The following PITPNC1 variants were observed in gnomAD, a reference collection of about 807,000 sequenced individuals.
The protein encoded by PITPNC1 is cytoplasmic phosphatidylinositol transfer protein 1.
In PITPNC1, 18 loss-of-function variants were observed where a neutral mutation model predicts 44.7. The ratio of observed to expected loss-of-function variants is 0.40; its 90% CI spans 0.28 to 0.60. PITPNC1 has a LOEUF of 0.60. Ranked by LOEUF, PITPNC1 falls within the 20% of genes least tolerant of loss-of-function variation. The pLI is 0.39. For synonymous variants in PITPNC1, 141 were observed against 149.6 expected, an observed-to-expected ratio of 0.94 and a Z score of 0.42; for missense variants, 290 against 418.4, an observed-to-expected ratio of 0.69 and a Z score of 2.68.
chr17:67,665,990 A>G (rs990903108), intron 6 of PITPNC1, among the ~76,000 whole-genome samples: 1 of 151,870 alleles, frequency 6.6e-6, no homozygotes, highest in Non-Finnish European at 1.5e-5. Context: ...ACAGGCATGC[A>G]TCACCATGCC....
chr17:67,509,367 A>G (rs2040149529), intron 1 of PITPNC1, among the ~76,000 whole-genome samples: 1 of 150,298 alleles, frequency 6.7e-6, no homozygotes, highest in African/African-American at 2.5e-5. Context: ...CCCCATCTCT[A>G]CTAAAAATAA....
intron 1 of PITPNC1, among the ~76,000 whole-genome samples, chr17:67,452,357 T>A (rs2039192615): frequency 6.6e-6 from 1 of 151,812 alleles, no homozygotes. Flanking sequence ...ATTATAGGGA[T>A]GTACCACATT....
Position 67,411,801 on chromosome 17 carries a change from T to C in PITPNC1, c.48+33599T>C, listed in dbSNP as rs192160347. Among the ~76,000 whole-genome samples the C allele has an allele frequency of 1.6e-3, 249 of 152,020 alleles. 1 individual carries two copies. Among genetic ancestry groups the C allele is most frequent in the Admixed American group, 2.0e-3 (30 of 15,268 alleles). ...GTACTTAATAAGGGCTAAGCACTTA[T>C]GTATATTAATTTGTTTAATCTACAC... On this transcript the variant is annotated intron_variant, in intron 1 of 8. Coordinates refer to ENST00000581322, the MANE Select transcript of PITPNC1 (RefSeq NM_012417.4).
At chr17:67,546,057 G>A (rs2040676161) in intron 2 of PITPNC1, among the ~76,000 whole-genome samples, 1 of 151,758 alleles carries the variant, frequency 6.6e-6, no homozygotes, top group Admixed American at 6.6e-5. Flanking sequence ...ACCGGGAGTG[G>A]TGTCCCGCGC....
chr17:67,690,458 A>AG (rs1555584874), intron 8 of PITPNC1, among the ~76,000 whole-genome samples: 6 of 151,940 alleles, frequency 3.9e-5, no homozygotes, highest in Admixed American at 3.9e-4. Flanking sequence ...CAAAAAAAAA[A>AG]AAAAAGAAAA....
intron 5 of PITPNC1, among the ~76,000 whole-genome samples, chr17:67,629,496 A>G (rs1462659441): frequency 6.6e-6 from 1 of 152,110 alleles, no homozygotes; most frequent in Non-Finnish European, 1.5e-5. Flanking sequence ...TCCCAGCCTC[A>G]AGTAATCCAC....
intron 1 of PITPNC1, among the ~76,000 whole-genome samples, chr17:67,476,575 T>C (rs2039633538): frequency 6.6e-6 from 1 of 152,146 alleles, no homozygotes; most frequent in Non-Finnish European, 1.5e-5. Flanking sequence ...TGGATGCATA[T>C]AAGAATCACC....
chr17:67,545,445 G>C (rs1409038475), intron 2 of PITPNC1, among the ~76,000 whole-genome samples: 1 of 151,874 alleles, frequency 6.6e-6, no homozygotes, highest in Non-Finnish European at 1.5e-5. Flanking sequence ...AGGTGTGGTG[G>C]CATGCCTGTA....
intron 1 of PITPNC1, among the ~76,000 whole-genome samples, chr17:67,473,049 T>G (rs1217487407): frequency 6.6e-6 from 1 of 151,720 alleles, no homozygotes. Context: ...CTAATTTTTT[T>G]GTATTTTTAG....
chr17:67,681,753 G>T (rs2042712954), intron 8 of PITPNC1, among the ~76,000 whole-genome samples: 1 of 151,766 alleles, frequency 6.6e-6, no homozygotes, highest in Non-Finnish European at 1.5e-5. Context: ...CAAGAAAATA[G>T]GACATTTGCC....
intron 1 of PITPNC1, among the ~76,000 whole-genome samples, chr17:67,493,679 T>C (rs1396172459): frequency 1.3e-5 from 2 of 152,160 alleles, no homozygotes; most frequent in Non-Finnish European, 2.9e-5. Context: ...ACCTTGGAAA[T>C]ACTGGAAAGG....
At chr17:67,425,178 CCATGTT>C (rs1271645853) in intron 1 of PITPNC1, among the ~76,000 whole-genome samples, 1 of 139,126 alleles carries the variant, frequency 7.2e-6, no homozygotes, top group Admixed American at 7.6e-5. Flanking sequence ...AAATAAACAG[CCATGTT>C]GTGCGCGCGC....
At chr17:67,420,275 A>C (rs1192149635) in intron 1 of PITPNC1, among the ~76,000 whole-genome samples, 1 of 152,112 alleles carries the variant, frequency 6.6e-6, no homozygotes, top group Non-Finnish European at 1.5e-5. Context: ...CACTGGAATA[A>C]AGAATCTCAA....
rs905108062 is a variant in PITPNC1 at position 67,508,045 on chromosome 17, T to C, written c.49-24757T>C. On this transcript the variant is annotated intron_variant, in intron 1 of 8. Coordinates refer to ENST00000581322, the MANE Select transcript of PITPNC1 (RefSeq NM_012417.4). This position sits in a 1 kb window ranked among gnomAD's most constrained non-coding sequence, Gnocchi z 4.2. ...ACAGGAAGTTATTTTTTCCAAAGCCTGCTCCTCCTCCTTCTATATTTAATT... is the reference window on the plus strand; with the variant it reads ...ACAGGAAGTTATTTTTTCCAAAGCCCGCTCCTCCTCCTTCTATATTTAATT... Among the ~76,000 whole-genome samples the C allele has an allele frequency of 4.6e-5, 7 of 152,216 alleles. No homozygotes were observed. The highest frequency in any genetic ancestry group is 1.0e-4 in the Non-Finnish European group (7 of 68,044).
rs936619345 is a variant in PITPNC1 at position 67,508,643 on chromosome 17, C to G, written c.49-24159C>G. Reference sequence around the variant, plus strand: ...GATCTCAGCCTCATTTTACTCAGCCCCTATTCAAGATGGAGTTGCTCTGGT... The same window carrying G: ...GATCTCAGCCTCATTTTACTCAGCCGCTATTCAAGATGGAGTTGCTCTGGT... On this transcript the variant is annotated intron_variant, in intron 1 of 8. Coordinates refer to ENST00000581322, the MANE Select transcript of PITPNC1 (RefSeq NM_012417.4). This position sits in a 1 kb window ranked among gnomAD's most constrained non-coding sequence, Gnocchi z 4.2. Among the ~76,000 whole-genome samples the G allele has an allele frequency of 1.4e-4, 22 of 152,136 alleles. No homozygotes were observed. The highest frequency in any genetic ancestry group is 5.3e-4 in the African/African-American group (22 of 41,416).
rs189410453 is a variant in PITPNC1 at position 67,581,073 on chromosome 17, G to A, written c.366+2816G>A. 7.5e-4 allele frequency among the ~76,000 whole-genome samples: 115 copies of A among 152,324 alleles called. 8 individuals carry two copies. Among genetic ancestry groups the A allele is most frequent in the Admixed American group, 2.8e-3 (43 of 15,304 alleles). On this transcript the variant is annotated intron_variant, in intron 5 of 8. Coordinates refer to ENST00000581322, the MANE Select transcript of PITPNC1 (RefSeq NM_012417.4). ...TAAAAAAGAGGTGCAGAGGGGACAC[G>A]TGGCCTCACTGTGATCCCTATAGAT...
At chr17:67,481,355 C>T (rs2039699025) in intron 1 of PITPNC1, among the ~76,000 whole-genome samples, 3 of 152,236 alleles carry the variant, frequency 2.0e-5, no homozygotes, top group East Asian at 3.8e-4. Context: ...GACATAGGCA[C>T]ATGGCCATAC....
chr17:67,601,551 G>A (rs1474260707), intron 5 of PITPNC1, among the ~76,000 whole-genome samples: 1 of 151,828 alleles, frequency 6.6e-6, no homozygotes, highest in Non-Finnish European at 1.5e-5. Context: ...AGGAACTCAA[G>A]ACCAGCCTGG....
At chr17:67,577,979 G>C in intron 4 of PITPNC1, 1 of 597,822 alleles carries the variant, frequency 1.7e-6, no homozygotes, top group East Asian at 3.1e-5. Context: ...ATTCTCTGTG[G>C]CCTGACCTCT....
Sources: gnomAD v4.1 joint callset for allele counts (sites outside exome capture counted in the v4.1 genomes callset) on GRCh38, gnomAD v4.1.1 for gene constraint, Gnocchi (gnomAD v3.1) non-coding constraint, MANE v1.5 for transcripts, NCBI Gene and HGNC (gene_info 2026-07-23, HGNC 2026-07-21) for gene names.